EDEM1: variants seen among roughly 807,000 people sequenced by gnomAD.
The protein encoded by EDEM1 is ER degradation-enhancing alpha-mannosidase-like protein 1.
Under a neutral mutation model 74.4 loss-of-function variants are expected in EDEM1, and 67 were observed. That is an observed-to-expected ratio of 0.90 (90% CI 0.74 to 1.10). EDEM1 has a LOEUF of 1.10. Ranked by LOEUF, EDEM1 falls within the 50% of genes least tolerant of loss-of-function variation. EDEM1 has a pLI of 0.00. For missense variants in EDEM1, 926 were observed against 851.6 expected, an observed-to-expected ratio of 1.09 and a Z score of -1.09; for synonymous variants, 382 against 335.9, an observed-to-expected ratio of 1.14 and a Z score of -1.50.
Position 5,207,398 on chromosome 3 carries a change from A to G in EDEM1, c.1338+125A>G, listed in dbSNP as rs539153090. On this transcript the variant is annotated intron_variant, in intron 7 of 11. Transcript: ENST00000256497. Reference sequence around the variant, plus strand: ...TTGGATTTGGGAGGTCACTGACACTATACGTCTTCATCTCTCTGTTTGAGA... The same window carrying G: ...TTGGATTTGGGAGGTCACTGACACTGTACGTCTTCATCTCTCTGTTTGAGA... 17 of 1,306,936 alleles carry G rather than the reference A, an allele frequency of 1.3e-5. No individual in the cohort carries two copies. The South Asian group carries it at 2.3e-4, about 18-fold the overall frequency. 81.0% of individuals were successfully genotyped at this position (1,306,936 alleles called of 1,614,324 possible). A position where few individuals can be genotyped will look rare whatever the true frequency, so the allele number is the denominator to read the frequency against.
chr3:5,194,906 T>A (rs986436189), intron 1 of EDEM1, among the ~76,000 whole-genome samples: 5 of 152,198 alleles, frequency 3.3e-5, no homozygotes, highest in Non-Finnish European at 7.3e-5. Flanking sequence ...CCAAGGAGAT[T>A]GTCTATGGTG....
At chr3:5,201,393 G>C (rs2106595700) in intron 3 of EDEM1, among the ~76,000 whole-genome samples, 1 of 152,158 alleles carries the variant, frequency 6.6e-6, no homozygotes, top group South Asian at 2.1e-4. Context: ...GGCCTCAAGA[G>C]ATGCATCTCT....
At chr3:5,207,037 A>C in intron 6 of EDEM1, 116 bp from the exon 7 acceptor site, 1 of 1,403,744 alleles carries the variant, frequency 7.1e-7, no homozygotes, top group Non-Finnish European at 9.6e-7. Flanking sequence ...GGAATGAGTT[A>C]GGAGAAAAAA....
intron 10 of EDEM1, among the ~76,000 whole-genome samples, chr3:5,212,179 C>T (rs1487976135): frequency 6.6e-6 from 1 of 152,176 alleles, no homozygotes; most frequent in Non-Finnish European, 1.5e-5. Flanking sequence ...ACAAGTGCCT[C>T]CAGTGGTTTC....
intron 1 of EDEM1, among the ~76,000 whole-genome samples, chr3:5,190,568 C>T (rs528181990): frequency 2.2e-4 from 34 of 152,202 alleles, no homozygotes; most frequent in Admixed American, 3.9e-4. Context: ...TGAAGGCTGC[C>T]GATGAGTGTT....
rs757158212 is a variant in EDEM1, at chr3:5,188,028, C to T, written c.223C>T (p.Pro75Ser). The T allele has an allele frequency of 3.5e-5, 51 of 1,453,006 alleles. No homozygotes were observed. Among genetic ancestry groups the T allele is most frequent in the East Asian group, 3.1e-4 (11 of 35,290 alleles). 90.0% of individuals were successfully genotyped at this position (1,453,006 alleles called of 1,614,324 possible). The change falls in exon 1 of 12, where the codon CCG (proline) becomes TCG (serine). Residue 75 changes from proline (P) to serine (S), a missense_variant. Coordinates refer to ENST00000256497, the MANE Select transcript of EDEM1 (RefSeq NM_014674.3). ...GVSGPSWLQP[P>S]GTGAAQSPRK... is the part of the protein sequence containing the mutation. Reference sequence around the variant, plus strand: ...ATCCGGGCCGTCGTGGCTGCAGCCGCCGGGGACCGGGGCAGCGCAGAGCCC... The same window carrying T: ...ATCCGGGCCGTCGTGGCTGCAGCCGTCGGGGACCGGGGCAGCGCAGAGCCC...
At chr3:5,192,385 A>T (rs2054912196) in intron 1 of EDEM1, among the ~76,000 whole-genome samples, 1 of 152,364 alleles carries the variant, frequency 6.6e-6, no homozygotes, top group African/African-American at 2.4e-5. Flanking sequence ...ATTTAAATTT[A>T]AAAACACATA....
chr3:5,198,662 C>CTTTTTTTTTTTTTTTTT (rs57260414), intron 2 of EDEM1, among the ~76,000 whole-genome samples: 1 of 75,160 alleles, frequency 1.3e-5, no homozygotes, highest in African/African-American at 4.6e-5. Flanking sequence ...ACGTATATAG[C>CTTTTTTTTTTTTTTTTT]TTTTTTTTTT....
At chr3:5,191,377 C>A (rs543887052) in intron 1 of EDEM1, among the ~76,000 whole-genome samples, 1 of 152,088 alleles carries the variant, frequency 6.6e-6, no homozygotes, top group African/African-American at 2.4e-5. Flanking sequence ...GTGTGCCCCA[C>A]CATGCTCGGC....
In EDEM1 at chr3:5,217,437, A is replaced by C. The variant is rs865832513; in HGVS notation, c.*1519A>C. On this transcript the variant is annotated 3_prime_UTR_variant, in exon 12 of 12. Transcript: ENST00000256497. Reference sequence around the variant, plus strand: ...CTGTTTTCCCACCTCTAAGGATTTCATGTACATCTTTTCAAAGCTAGAAAT... The same window carrying C: ...CTGTTTTCCCACCTCTAAGGATTTCCTGTACATCTTTTCAAAGCTAGAAAT... The C allele has an allele frequency of 3.9e-5, 6 of 152,626 alleles. No homozygotes were observed. In the South Asian group the frequency reaches 1.2e-3, roughly 32 times the overall value. 9.5% of individuals were successfully genotyped at this position (152,626 alleles called of 1,614,324 possible). A position where few individuals can be genotyped will look rare whatever the true frequency, so the allele number is the denominator to read the frequency against.
At position 5,208,174 on chromosome 3, in the gene EDEM1, G is replaced by T; in HGVS notation, c.1420G>T (p.Glu474Ter). The change falls in exon 8 of 12, where the codon GAG becomes TAG. Residue 474 changes from glutamate to a stop codon, truncating the protein, a stop_gained. Coordinates refer to ENST00000256497, the MANE Select transcript of EDEM1 (RefSeq NM_014674.3). LOFTEE classifies it high-confidence loss of function. Reference protein sequence around the residue: ...AIWKRYGALPERYNWQLQAPD... With the variant: ...AIWKRYGALP ...ATGGAAACGATATGGTGCCCTCCCT[G>T]AGAGATATAACTGGCAGCTGCAGGC... is the stretch of plus-strand genomic sequence containing the variant. The T allele has an allele frequency of 6.2e-7, 1 of 1,613,478 alleles. No homozygotes were observed. Among genetic ancestry groups the T allele is most frequent in the African/African-American group, 1.3e-5 (1 of 74,896 alleles).
In EDEM1 at chr3:5,199,588, A is replaced by G. The variant is rs768652438; in HGVS notation, c.583-4A>G. The G allele has an allele frequency of 1.2e-6, 2 of 1,606,660 alleles. No individual in the cohort carries two copies. The highest frequency in any genetic ancestry group is 2.2e-5 in the East Asian group (1 of 44,842). ...TGTAATGACCTGTGTTCCTCTTTTTAAAGATAATGGGAAATTCATCCGAGT... is the reference window on the plus strand; with the variant it reads ...TGTAATGACCTGTGTTCCTCTTTTTGAAGATAATGGGAAATTCATCCGAGT... On this transcript the variant is annotated splice_region_variant and splice_polypyrimidine_tract_variant and intron_variant, in intron 2 of 11. Coordinates refer to ENST00000256497, the MANE Select transcript of EDEM1 (RefSeq NM_014674.3).
intron 3 of EDEM1, 66 bp downstream of exon 3, chr3:5,199,761 C>A: frequency 5.1e-6 from 7 of 1,368,624 alleles, no homozygotes; most frequent in Non-Finnish European, 5.1e-6. Context: ...GAAAAAAATA[C>A]CTTTGAGGGT....
Position 5,206,476 on chromosome 3 carries a change from G to A in EDEM1, c.1218-677G>A, listed in dbSNP as rs145093699. ...CCGCCTCGGCCTCCCAAAGTGCTGGGATTACAGGTGTGAGCCACCACACCT... is the reference window on the plus strand; with the variant it reads ...CCGCCTCGGCCTCCCAAAGTGCTGGAATTACAGGTGTGAGCCACCACACCT... On this transcript the variant is annotated intron_variant, in intron 6 of 11. Coordinates refer to ENST00000256497, the MANE Select transcript of EDEM1 (RefSeq NM_014674.3). Among the ~76,000 whole-genome samples, 288 of 152,218 alleles carry A rather than the reference G, an allele frequency of 1.9e-3. 1 individual carries two copies. The highest frequency in any genetic ancestry group is 6.4e-3 in the African/African-American group (267 of 41,538).
At chr3:5,207,806 C>T (rs551198879) in intron 7 of EDEM1, among the ~76,000 whole-genome samples, 2 of 152,320 alleles carry the variant, frequency 1.3e-5, no homozygotes, top group South Asian at 2.1e-4. Flanking sequence ...CTGTGCTGGG[C>T]TGTGTGAGAT....
At chr3:5,215,091 G>A (rs1211629308) in intron 11 of EDEM1, among the ~76,000 whole-genome samples, 1 of 152,108 alleles carries the variant, frequency 6.6e-6, no homozygotes, top group Non-Finnish European at 1.5e-5. Flanking sequence ...GGGGCAGTCG[G>A]GACCAATGGA....
chr3:5,211,458 A>G (rs146802734), intron 10 of EDEM1: 37 of 447,586 alleles, frequency 8.3e-5, no homozygotes, highest in African/African-American at 7.2e-4. Context: ...AACTGTGGGA[A>G]ATCCTGGTAA....
chr3:5,207,366 G>C, intron 7 of EDEM1, 93 bp downstream of exon 7: 1 of 1,540,180 alleles, frequency 6.5e-7, no homozygotes. Flanking sequence ...AGCATTCTCT[G>C]TCTCCTTTGG....
chr3:5,188,326 C>A lies in EDEM1; in HGVS notation c.509+12C>A, dbSNP rs764427564. On this transcript the variant is annotated intron_variant, in intron 1 of 11. Transcript: ENST00000256497. ...GACCGCGGGGACCCGTGAGTAGCCCCCGCCGCCCGGGGCCGCGCGCCCACG... is the reference window on the plus strand; with the variant it reads ...GACCGCGGGGACCCGTGAGTAGCCCACGCCGCCCGGGGCCGCGCGCCCACG... The A allele has an allele frequency of 1.4e-6, 2 of 1,450,638 alleles. No homozygotes were observed. The highest frequency in any genetic ancestry group is 1.5e-5 in the African/African-American group (1 of 68,104). 89.9% of individuals were successfully genotyped at this position (1,450,638 alleles called of 1,614,324 possible).
Sources: allele counts gnomAD v4.1 joint callset (sites outside exome capture counted in the v4.1 genomes callset), GRCh38; gene constraint gnomAD v4.1.1; transcripts MANE v1.5; gene names NCBI Gene and HGNC (gene_info 2026-07-23, HGNC 2026-07-21).